Variants in CEMIP observed in about 807,000 individuals in gnomAD.
CEMIP encodes cell migration inducing hyaluronidase 1.
Under a neutral mutation model 156.9 loss-of-function variants are expected in CEMIP, and 105 were observed. The observed-to-expected ratio is 0.67, with a 90% CI of 0.57 to 0.79. CEMIP has a LOEUF of 0.79. CEMIP is among the 30% of genes least tolerant of loss of function. CEMIP has a pLI of 0.00. For synonymous variants in CEMIP, 676 were observed against 668.4 expected (o/e 1.01, Z -0.17); for missense variants, 1,457 against 1,769.4 (o/e 0.82, Z 3.17).
In CEMIP at chr15:80,949,243, G is replaced by GTGCTGACA; in HGVS notation, c.*320_*327dup. The GTGCTGACA allele has an allele frequency of 2.9e-5, 12 of 411,264 alleles. No individual in the cohort carries two copies. The highest frequency in any genetic ancestry group is 2.5e-4 in the South Asian group (12 of 47,280). 25.5% of individuals were successfully genotyped at this position (411,264 alleles called of 1,614,324 possible). On this transcript the variant is annotated 3_prime_UTR_variant, in exon 30 of 30. Coordinates refer to ENST00000394685, the MANE Select transcript of CEMIP (RefSeq NM_001293298.2). The stretch of plus-strand genomic sequence containing the variant: ...GGGACCATATCAGGAGACCTGGGTT[G>GTGCTGACA]TGCTGACAGCAAAGATCCACTTTGG...
intron 10 of CEMIP, among the ~76,000 whole-genome samples, chr15:80,891,017 T>C (rs1422080897): frequency 6.6e-6 from 1 of 152,248 alleles, no homozygotes; most frequent in Non-Finnish European, 1.5e-5. Flanking sequence ...TCTTTCCAGA[T>C]TTAATTTTAA....
intron 21 of CEMIP, 60 bp from the exon 22 acceptor site, chr15:80,931,799 C>G: frequency 2.6e-6 from 4 of 1,550,966 alleles, no homozygotes; most frequent in Non-Finnish European, 2.7e-6. Context: ...CGTCTTACTT[C>G]CTTAACTCCA....
At chr15:80,911,945 G>C (rs1191881134) in intron 14 of CEMIP, among the ~76,000 whole-genome samples, 1 of 120,606 alleles carries the variant, frequency 8.3e-6, no homozygotes, top group Non-Finnish European at 1.8e-5. Flanking sequence ...AGCTGACAGA[G>C]GCTGGGATTG....
At chr15:80,784,284 G>A (rs1324318223) in intron 1 of CEMIP, among the ~76,000 whole-genome samples, 2 of 152,278 alleles carry the variant, frequency 1.3e-5, no homozygotes, top group East Asian at 1.9e-4. Flanking sequence ...TTCTGTTACG[G>A]AGAAAGCATA....
chr15:80,783,321 G>T (rs1180424983), intron 1 of CEMIP, among the ~76,000 whole-genome samples: 1 of 152,230 alleles, frequency 6.6e-6, no homozygotes, highest in Admixed American at 6.5e-5. Context: ...CCACAAGATA[G>T]CATATCTTTG....
At chr15:80,881,540 CA>C (rs1898659214) in intron 6 of CEMIP, among the ~76,000 whole-genome samples, 1 of 151,386 alleles carries the variant, frequency 6.6e-6, no homozygotes, top group African/African-American at 2.4e-5. Context: ...ACAGCAAGTG[CA>C]GAAGGCCGGA....
chr15:80,873,547 T>C lies in CEMIP; in HGVS notation c.-166T>C, dbSNP rs1898365002. 2.8e-6 allele frequency: 1 copy of C among 361,104 alleles called. No homozygotes were observed. The highest frequency in any genetic ancestry group is 4.0e-5 in the Admixed American group (1 of 24,728). 22.4% of individuals were successfully genotyped at this position (361,104 alleles called of 1,614,324 possible). On this transcript the variant is annotated 5_prime_UTR_variant, in exon 2 of 30. Coordinates refer to ENST00000394685, the MANE Select transcript of CEMIP (RefSeq NM_001293298.2). ...TGTTTCTTAACTTAAGAGAAAAGCT[T>C]CATTCTGGAGGGGAAGGAGTTTTGA...
At chr15:80,832,067 T>C (rs960913825) in intron 1 of CEMIP, among the ~76,000 whole-genome samples, 1 of 152,188 alleles carries the variant, frequency 6.6e-6, no homozygotes, top group Non-Finnish European at 1.5e-5. Context: ...AAGACAAGAA[T>C]GTGTTTGTAG....
At chr15:80,904,512 G>C (rs1899709856) in intron 12 of CEMIP, among the ~76,000 whole-genome samples, 1 of 152,124 alleles carries the variant, frequency 6.6e-6, no homozygotes, top group Non-Finnish European at 1.5e-5. Flanking sequence ...TTGCAGATGT[G>C]GTAAATTAAG....
chr15:80,948,698 G>C (rs1433977690), intron 29 of CEMIP, 99 bp from the exon 30 acceptor site: 3 of 1,518,728 alleles, frequency 2.0e-6, no homozygotes, highest in Non-Finnish European at 2.7e-6. Flanking sequence ...GGCGGTACCT[G>C]GTGGGCGTGG....
At chr15:80,923,904 G>A (rs536840789) in intron 17 of CEMIP, among the ~76,000 whole-genome samples, 5 of 152,224 alleles carry the variant, frequency 3.3e-5, no homozygotes, top group Non-Finnish European at 4.4e-5. Flanking sequence ...CCACATCATC[G>A]GACTCACATC....
intron 12 of CEMIP, among the ~76,000 whole-genome samples, chr15:80,900,586 GTGTGTGTGTGT>G (rs1567090722): frequency 1.0e-4 from 3 of 29,192 alleles, no homozygotes; most frequent in African/African-American, 3.6e-4. Context: ...CCAGGTAGGG[GTGTGTGTGTGT>G]GTGTGTGTGT....
intron 1 of CEMIP, among the ~76,000 whole-genome samples, chr15:80,795,653 G>T (rs539598327): frequency 2.6e-5 from 4 of 152,164 alleles, no homozygotes; most frequent in African/African-American, 9.7e-5. Flanking sequence ...CTCTTGAAAA[G>T]CCAGGTGCAG....
rs577113488 is a variant in CEMIP, at chr15:80,948,900, T to C, written c.4062T>C (p.Pro1354=). The C allele has an allele frequency of 1.2e-6, 2 of 1,614,166 alleles. No individual in the cohort carries two copies. The highest frequency in any genetic ancestry group is 1.7e-5 in the Admixed American group (1 of 60,014). ...AAATCTTCCAAGTTGTGCCCATCCC[T>C]GTGGTGAAGAAGAAGAAGTTGTGAG... is the stretch of plus-strand genomic sequence containing the variant. ...KAKIFQVVPI[P]VVKKKKL is the part of the protein sequence containing the mutation. The change falls in exon 30 of 30, where the codon CCT becomes CCC. Residue 1354 remains proline (P), a synonymous_variant. Coordinates refer to ENST00000394685, the MANE Select transcript of CEMIP (RefSeq NM_001293298.2).
chr15:80,896,838 ATAAC>A (rs1171305201), intron 12 of CEMIP, among the ~76,000 whole-genome samples: 1 of 152,260 alleles, frequency 6.6e-6, no homozygotes, highest in African/African-American at 2.4e-5. Flanking sequence ...GATAAGCTGA[ATAAC>A]TAACCTCCAA....
intron 1 of CEMIP, among the ~76,000 whole-genome samples, chr15:80,870,065 C>T (rs774913823): frequency 3.3e-5 from 5 of 152,140 alleles, no homozygotes; most frequent in Admixed American, 1.3e-4. Context: ...ATCATCCCAG[C>T]GTTACAGACT....
chr15:80,801,759 G>A (rs1169965712), intron 1 of CEMIP, among the ~76,000 whole-genome samples: 1 of 152,108 alleles, frequency 6.6e-6, no homozygotes, highest in Non-Finnish European at 1.5e-5. Context: ...CCATACTGTG[G>A]GTTCCATACC....
intron 1 of CEMIP, among the ~76,000 whole-genome samples, chr15:80,820,944 A>G (rs892167838): frequency 5.9e-5 from 9 of 152,248 alleles, no homozygotes; most frequent in African/African-American, 2.2e-4. Flanking sequence ...CAAGTAAACT[A>G]AAAATGTGAA....
At chr15:80,810,406 C>T (rs1218076709) in intron 1 of CEMIP, among the ~76,000 whole-genome samples, 3 of 152,168 alleles carry the variant, frequency 2.0e-5, no homozygotes, top group Non-Finnish European at 4.4e-5. Context: ...CTCACTCTGT[C>T]ACCCAGGCTG....
Sources: gnomAD v4.1 joint callset for allele counts (sites outside exome capture counted in the v4.1 genomes callset) on GRCh38, gnomAD v4.1.1 for gene constraint, MANE v1.5 for transcripts, NCBI Gene and HGNC (gene_info 2026-07-23, HGNC 2026-07-21) for gene names.